Variants in DCAF4L1 observed in about 807,000 individuals in gnomAD.
DCAF4L1 encodes DDB1 and CUL4 associated factor 4 like 1.
In DCAF4L1, 4 loss-of-function variants were observed where a neutral mutation model predicts 28.2. That is an observed-to-expected ratio of 0.14 (90% CI 0.07 to 0.33). The LOEUF (loss-of-function observed/expected upper bound fraction) is 0.33. DCAF4L1 is among the 10% of genes least tolerant of loss of function. The probability of loss-of-function intolerance (pLI) is 1.00; values close to 1 mark genes in which losing one functional copy is unlikely to be tolerated. For synonymous variants in DCAF4L1, 252 were observed against 212.1 expected (o/e 1.19, Z -1.63); for missense variants, 331 against 506.1 (o/e 0.65, Z 3.32).
chr4:41,981,875 T>C lies in DCAF4L1; in HGVS notation c.83T>C (p.Met28Thr), dbSNP rs1453595085. ...AGAATGGGATTTAATGCATCTTCCATGCTCCGAAAAAGCCAGCTAGGTTTC... is the reference window on the plus strand; with the variant it reads ...AGAATGGGATTTAATGCATCTTCCACGCTCCGAAAAAGCCAGCTAGGTTTC... ...VARMGFNASS[M>T]LRKSQLGFLN... is the part of the protein sequence containing the mutation. Residue 28 changes from methionine (M) to threonine (T), a missense_variant, in exon 1 of 1, where the codon ATG becomes ACG. Physicochemically the swap from Met to Thr is moderately conservative, Grantham distance 81. Transcript: ENST00000333141. 1 of 1,614,234 alleles carries C rather than the reference T, an allele frequency of 6.2e-7. No individual in the cohort carries two copies. Among genetic ancestry groups the C allele is most frequent in the East Asian group, 2.2e-5 (1 of 44,886 alleles).
chr4:41,983,132 T>C lies in DCAF4L1; in HGVS notation c.*149T>C. ...CAGGGGTAAGGTGTTAAGAGTTTTA[T>C]GTGGAGACGTTCTTGTAAAGTTATT... On this transcript the variant is annotated 3_prime_UTR_variant, in exon 1 of 1. Transcript: ENST00000333141. 1.5e-6 allele frequency: 1 copy of C among 671,228 alleles called. No homozygotes were observed. The highest frequency in any genetic ancestry group is 2.5e-6 in the Non-Finnish European group (1 of 392,752). 41.6% of individuals were successfully genotyped at this position (671,228 alleles called of 1,614,324 possible).
rs979149709 is a variant in DCAF4L1, at chr4:41,983,251, A to G, written c.*268A>G. 1 of 267,330 alleles carries G rather than the reference A, an allele frequency of 3.7e-6. No homozygotes were observed. The highest frequency in any genetic ancestry group is 7.0e-6 in the Non-Finnish European group (1 of 141,864). 16.6% of individuals were successfully genotyped at this position (267,330 alleles called of 1,614,324 possible). On this transcript the variant is annotated 3_prime_UTR_variant, in exon 1 of 1. Transcript: ENST00000333141. ...CCTTAGAACAGTTAACCACCTCCCC[A>G]ACCCTTTTTTTTTTTAAATAATTAA...
At position 41,983,407 on chromosome 4, in the gene DCAF4L1, C is replaced by T. The variant is rs1301551253; in HGVS notation, c.*424C>T. On this transcript the variant is annotated 3_prime_UTR_variant, in exon 1 of 1. Transcript: ENST00000333141. ...TTGACTAATCATACAGGGTCCCAGG[C>T]ATCTGCGCTTGAGGAAGCCAGTGGG... 5.9e-6 allele frequency: 1 copy of T among 169,044 alleles called. No homozygotes were observed. Among genetic ancestry groups the T allele is most frequent in the Non-Finnish European group, 1.4e-5 (1 of 69,642 alleles). The allele number at this position is 169,044 out of a possible 1,614,324, so 10.5% of individuals were successfully genotyped here. A position where few individuals can be genotyped will look rare whatever the true frequency, so the allele number is the denominator to read the frequency against.
chr4:41,982,102 C>T lies in DCAF4L1; in HGVS notation c.310C>T (p.Leu104=), dbSNP rs543592913. Residue 104 remains leucine, a synonymous_variant, in exon 1 of 1, where the codon CTG becomes TTG. Coordinates refer to ENST00000333141, the MANE Select transcript of DCAF4L1 (RefSeq NM_001029955.4). This position sits in a 1 kb window ranked among gnomAD's most constrained non-coding sequence, Gnocchi z 4.4. The stretch of plus-strand genomic sequence containing the variant: ...AGGCTCCAAGTACGGCATCATCAGC[C>T]TGCGAACTCTGAAGATCCCTTCGTT... ...VEGSKYGIIS[L]RTLKIPSFHV... 6 of 1,614,206 alleles carry T rather than the reference C, an allele frequency of 3.7e-6. No homozygotes were observed. The South Asian group carries it at 6.6e-5, about 18-fold the overall frequency.
At position 41,981,764 on chromosome 4, in the gene DCAF4L1, C is replaced by G; in HGVS notation, c.-29C>G. The G allele has an allele frequency of 6.2e-7, 1 of 1,601,284 alleles. No homozygotes were observed. The highest frequency in any genetic ancestry group is 8.5e-7 in the Non-Finnish European group (1 of 1,172,112). ...GGAGAAGAACATCCTGCAGAATTTC[C>G]TGTCACGAGGAACATTCCGCAGGAG... On this transcript the variant is annotated 5_prime_UTR_variant, in exon 1 of 1. Transcript: ENST00000333141.
In DCAF4L1 at chr4:41,985,876, C is replaced by T. The variant is rs1365789576; in HGVS notation, c.*2893C>T. The T allele has an allele frequency of 6.0e-6, 1 of 167,062 alleles. No homozygotes were observed. The highest frequency in any genetic ancestry group is 2.4e-5 in the African/African-American group (1 of 41,428). The allele number at this position is 167,062 out of a possible 1,614,324, so 10.3% of individuals were successfully genotyped here. ...CAGGATTAATGGTATACTTGTAGGG[C>T]AGAAGAGTAGTGACCAGAAGAAGAT... On this transcript the variant is annotated 3_prime_UTR_variant, in exon 1 of 1. Transcript: ENST00000333141.
Position 41,984,255 on chromosome 4 carries a change from AAAAT to A in DCAF4L1, c.*1276_*1279del, listed in dbSNP as rs1714082053. ...TTACTGTATATATGTTATTCCTCAAAAAATAAAAATAAGCAATTAGGACACTATT... is the reference window on the plus strand; with the variant it reads ...TTACTGTATATATGTTATTCCTCAAAAAAAATAAGCAATTAGGACACTATT... On this transcript the variant is annotated 3_prime_UTR_variant, in exon 1 of 1. Transcript: ENST00000333141. The A allele has an allele frequency of 6.0e-6, 1 of 166,630 alleles. No individual in the cohort carries two copies. The highest frequency in any genetic ancestry group is 2.4e-5 in the African/African-American group (1 of 41,418). 10.3% of individuals were successfully genotyped at this position (166,630 alleles called of 1,614,324 possible). A position where few individuals can be genotyped will look rare whatever the true frequency, so the allele number is the denominator to read the frequency against.
Position 41,982,671 on chromosome 4 carries a change from G to A in DCAF4L1, c.879G>A (p.Lys293=), listed in dbSNP as rs1714025689. Residue 293 remains lysine (K), a synonymous_variant, in exon 1 of 1, where the codon AAG becomes AAA. Coordinates refer to ENST00000333141, the MANE Select transcript of DCAF4L1 (RefSeq NM_001029955.4). The surrounding 1 kb of genome is among the most constrained non-coding windows in gnomAD (Gnocchi z 4.4). ...TGATGGCATCAGACATGACTGGAAA[G>A]ATCAAGCTGTGGGATCTGAGGGCCA... The part of the protein sequence containing the change: ...QCLMASDMTG[K]IKLWDLRATK... 1.9e-6 allele frequency: 3 copies of A among 1,614,258 alleles called. No individual in the cohort carries two copies. The highest frequency in any genetic ancestry group is 1.1e-5 in the South Asian group (1 of 91,090).
In DCAF4L1 at chr4:41,984,098, A is replaced by AT. The variant is rs200452495; in HGVS notation, c.*1124dup. The AT allele has an allele frequency of 0.028, 4,626 of 163,264 alleles. 111 individuals are homozygous for AT. Among genetic ancestry groups the AT allele is most frequent in the Middle Eastern group, 0.071 (21 of 296 alleles). 10.1% of individuals were successfully genotyped at this position (163,264 alleles called of 1,614,324 possible). On this transcript the variant is annotated 3_prime_UTR_variant, in exon 1 of 1. Transcript: ENST00000333141. The stretch of plus-strand genomic sequence containing the variant: ...GTACGTACCTCTGTAGAAAGAAAGG[A>AT]TTTTTTTTTCTTTTTCTTTTTAGGA...
chr4:41,982,013 T>A lies in DCAF4L1; in HGVS notation c.221T>A (p.Phe74Tyr). 1 of 1,614,210 alleles carries A rather than the reference T, an allele frequency of 6.2e-7. No homozygotes were observed. The highest frequency in any genetic ancestry group is 8.5e-7 in the Non-Finnish European group (1 of 1,180,044). The change falls in exon 1 of 1, where the codon TTT (phenylalanine) becomes TAT (tyrosine). Residue 74 changes from phenylalanine (F) to tyrosine (Y), a missense_variant. Phe to Tyr is a conservative substitution (Grantham distance 22). Transcript: ENST00000333141. The surrounding 1 kb of genome is among the most constrained non-coding windows in gnomAD (Gnocchi z 4.4). ...CCCTCCTCTTTGGCGAGCGACCGAT[T>A]TAACTTCATTCTGGCGAGTACCAAC... is the stretch of plus-strand genomic sequence containing the variant. ...LDPSSLASDRFNFILASTNSD... is the reference protein window; with the variant it reads ...LDPSSLASDRYNFILASTNSD...
rs977864342 is a variant in DCAF4L1 at position 41,982,149 on chromosome 4, C to T, written c.357C>T (p.Asn119=). ...IPSFHVYVLR[N]LYVPNRKVKS... ...CGTTCCACGTGTACGTGCTCAGAAA[C>T]CTCTACGTCCCCAACCGGAAGGTGA... The change falls in exon 1 of 1, where the codon AAC becomes AAT. Residue 119 remains asparagine, a synonymous_variant. Coordinates refer to ENST00000333141, the MANE Select transcript of DCAF4L1 (RefSeq NM_001029955.4). This position sits in a 1 kb window ranked among gnomAD's most constrained non-coding sequence, Gnocchi z 4.4. The T allele has an allele frequency of 6.2e-7, 1 of 1,614,226 alleles. No homozygotes were observed. The highest frequency in any genetic ancestry group is 2.2e-5 in the East Asian group (1 of 44,884).
In DCAF4L1 at chr4:41,983,147, G is replaced by A. The variant is rs1409353712; in HGVS notation, c.*164G>A. The A allele has an allele frequency of 6.3e-6, 4 of 636,064 alleles. No individual in the cohort carries two copies. Among genetic ancestry groups the A allele is most frequent in the African/African-American group, 3.7e-5 (2 of 54,354 alleles). 39.4% of individuals were successfully genotyped at this position (636,064 alleles called of 1,614,324 possible). On this transcript the variant is annotated 3_prime_UTR_variant, in exon 1 of 1. Coordinates refer to ENST00000333141, the MANE Select transcript of DCAF4L1 (RefSeq NM_001029955.4). ...AAGAGTTTTATGTGGAGACGTTCTT[G>A]TAAAGTTATTTCAGTTAAACTGTGG...
At position 41,985,475 on chromosome 4, in the gene DCAF4L1, T is replaced by C. The variant is rs946984521; in HGVS notation, c.*2492T>C. 1 of 167,136 alleles carries C rather than the reference T, an allele frequency of 6.0e-6. No homozygotes were observed. The highest frequency in any genetic ancestry group is 2.4e-5 in the African/African-American group (1 of 41,474). 10.4% of individuals were successfully genotyped at this position (167,136 alleles called of 1,614,324 possible). ...GTGCAGTTGTGAGCAAATAGAACTT[T>C]CATATACTGTTGAGTGTATACTGGT... On this transcript the variant is annotated 3_prime_UTR_variant, in exon 1 of 1. Transcript: ENST00000333141.
chr4:41,984,098 ATTTTTT>A lies in DCAF4L1; in HGVS notation c.*1119_*1124del, dbSNP rs200452495. 6 of 163,156 alleles carry A rather than the reference ATTTTTT, an allele frequency of 3.7e-5. No homozygotes were observed. The highest frequency in any genetic ancestry group is 2.6e-4 in the Admixed American group (4 of 15,188). 10.1% of individuals were successfully genotyped at this position (163,156 alleles called of 1,614,324 possible). ...GTACGTACCTCTGTAGAAAGAAAGG[ATTTTTT>A]TTTCTTTTTCTTTTTAGGATGTTTG... On this transcript the variant is annotated 3_prime_UTR_variant, in exon 1 of 1. Transcript: ENST00000333141.
At position 41,983,104 on chromosome 4, in the gene DCAF4L1, T is replaced by C; in HGVS notation, c.*121T>C. The C allele has an allele frequency of 1.2e-6, 1 of 857,600 alleles. No individual in the cohort carries two copies. Among genetic ancestry groups the C allele is most frequent in the Non-Finnish European group, 1.8e-6 (1 of 555,754 alleles). The allele number at this position is 857,600 out of a possible 1,614,324, so 53.1% of individuals were successfully genotyped here. On this transcript the variant is annotated 3_prime_UTR_variant, in exon 1 of 1. Coordinates refer to ENST00000333141, the MANE Select transcript of DCAF4L1 (RefSeq NM_001029955.4). ...TGTATATAGATCGCATCCATCCGGC[T>C]GCCAGGGGTAAGGTGTTAAGAGTTT... is the stretch of plus-strand genomic sequence containing the variant.
chr4:41,985,951 A>G lies in DCAF4L1; in HGVS notation c.*2968A>G, dbSNP rs926922295. ...TCATGCCAGACCCCTAGTGACTCCA[A>G]TAGTAATGGCACTGTGTCCGAGAGT... On this transcript the variant is annotated 3_prime_UTR_variant, in exon 1 of 1. Coordinates refer to ENST00000333141, the MANE Select transcript of DCAF4L1 (RefSeq NM_001029955.4). The G allele has an allele frequency of 2.4e-5, 4 of 167,144 alleles. No homozygotes were observed. The highest frequency in any genetic ancestry group is 1.9e-4 in the East Asian group (1 of 5,206). The allele number at this position is 167,144 out of a possible 1,614,324, so 10.4% of individuals were successfully genotyped here. A position where few individuals can be genotyped will look rare whatever the true frequency, so the allele number is the denominator to read the frequency against.
chr4:41,982,881 T>C lies in DCAF4L1; in HGVS notation c.1089T>C (p.Ile363=). The stretch of plus-strand genomic sequence containing the variant: ...CGTACTCTGCCTCCGAGGACGACAT[T>C]CCCAGCGTGGCCTTCGCTTCTCGGC... ...PSPYSASEDD[I]PSVAFASRLG... The change falls in exon 1 of 1, where the codon ATT becomes ATC. Residue 363 remains isoleucine, a synonymous_variant. Transcript: ENST00000333141. The surrounding 1 kb of genome is among the most constrained non-coding windows in gnomAD (Gnocchi z 4.4). 1 of 1,614,048 alleles carries C rather than the reference T, an allele frequency of 6.2e-7. No individual in the cohort carries two copies. Among genetic ancestry groups the C allele is most frequent in the Non-Finnish European group, 8.5e-7 (1 of 1,180,004 alleles).
chr4:41,983,082 A>G lies in DCAF4L1; in HGVS notation c.*99A>G, dbSNP rs1462605732. On this transcript the variant is annotated 3_prime_UTR_variant, in exon 1 of 1. Coordinates refer to ENST00000333141, the MANE Select transcript of DCAF4L1 (RefSeq NM_001029955.4). ...GAGAGCATTTTAAGAGACGTGTTGTATATAGATCGCATCCATCCGGCTGCC... is the reference window on the plus strand; with the variant it reads ...GAGAGCATTTTAAGAGACGTGTTGTGTATAGATCGCATCCATCCGGCTGCC... 14 of 1,122,408 alleles carry G rather than the reference A, an allele frequency of 1.2e-5. No homozygotes were observed. The highest frequency in any genetic ancestry group is 1.0e-4 in the East Asian group (4 of 39,650). 69.5% of individuals were successfully genotyped at this position (1,122,408 alleles called of 1,614,324 possible).
rs1714020699 is a variant in DCAF4L1, at chr4:41,982,530, G to C, written c.738G>C (p.Gly246=). 2.5e-6 allele frequency: 4 copies of C among 1,614,210 alleles called. No homozygotes were observed. The highest frequency in any genetic ancestry group is 3.4e-6 in the Non-Finnish European group (4 of 1,180,036). The change falls in exon 1 of 1, where the codon GGG becomes GGC. Residue 246 remains glycine (G), a synonymous_variant. Transcript: ENST00000333141. The surrounding 1 kb of genome is among the most constrained non-coding windows in gnomAD (Gnocchi z 4.4). ...TGCTGTTTAATGGCTGTCGCTCCGG[G>C]GAGATCTTTGCCATTGATCTGCGTT... ...APLLFNGCRS[G]EIFAIDLRCR...
Sources: gnomAD v4.1 joint callset for allele counts on GRCh38, gnomAD v4.1.1 for gene constraint, Gnocchi (gnomAD v3.1) non-coding constraint, MANE v1.5 for transcripts, NCBI Gene and HGNC (gene_info 2026-07-23, HGNC 2026-07-21) for gene names.